Variants in CNTNAP5 observed in about 807,000 individuals in gnomAD.
CNTNAP5 encodes contactin associated protein family member 5, also known as contactin-associated protein-like 5.
CNTNAP5 carries 72 observed loss-of-function variants against 150.2 expected under a neutral mutation model. The ratio of observed to expected loss-of-function variants is 0.48; its 90% CI spans 0.40 to 0.58. The LOEUF is 0.58. Ranked by LOEUF, CNTNAP5 falls within the 20% of genes least tolerant of loss-of-function variation. CNTNAP5 has a pLI of 0.00. For missense variants in CNTNAP5, 1,636 were observed against 1,626.2 expected, an observed-to-expected ratio of 1.01 and a Z score of -0.10; for synonymous variants, 672 against 619.8, an observed-to-expected ratio of 1.08 and a Z score of -1.25.
rs200656619 is a variant in CNTNAP5, at chr2:124,636,921, A to G, written c.1877-10837A>G. Among the ~76,000 whole-genome samples the G allele has an allele frequency of 9.9e-5, 7 of 71,064 alleles. No homozygotes were observed. The East Asian group carries it at 2.0e-3, about 20-fold the overall frequency. 46.6% of individuals were successfully genotyped at this position (71,064 alleles called of 152,430 possible). A position where few individuals can be genotyped will look rare whatever the true frequency, so the allele number is the denominator to read the frequency against. ...CTCTTTCTCTTTTTCTCCTCTCCTC[A>G]TTTTCTCAGACATTTTAAAAAAATT... On this transcript the variant is annotated intron_variant, in intron 12 of 23. Coordinates refer to ENST00000682447, the MANE Select transcript of CNTNAP5 (RefSeq NM_001367498.1).
chr2:124,685,376 C>T (rs182923503), intron 13 of CNTNAP5, among the ~76,000 whole-genome samples: 174 of 152,282 alleles, frequency 1.1e-3, no homozygotes, highest in Admixed American at 2.7e-3. Context: ...TTAGTACCCA[C>T]ATAGATCATC....
chr2:124,107,139 G>A (rs1234777475), intron 1 of CNTNAP5, among the ~76,000 whole-genome samples: 1 of 152,162 alleles, frequency 6.6e-6, no homozygotes, highest in East Asian at 1.9e-4. Flanking sequence ...GTGCTGTTGT[G>A]CAGTGATTAC....
At chr2:124,624,772 G>C (rs1677684915) in intron 12 of CNTNAP5, among the ~76,000 whole-genome samples, 1 of 152,322 alleles carries the variant, frequency 6.6e-6, no homozygotes, top group African/African-American at 2.4e-5. Context: ...GGGGTTGAAA[G>C]TACACAAGGA....
At chr2:124,603,218 A>T (rs765292028) in intron 11 of CNTNAP5, among the ~76,000 whole-genome samples, 30 of 152,266 alleles carry the variant, frequency 2.0e-4, no homozygotes, top group Admixed American at 5.2e-4. Flanking sequence ...ACATTCCAGT[A>T]TTGTAGATTT....
chr2:124,756,548 T>C (rs1680843686), intron 14 of CNTNAP5, among the ~76,000 whole-genome samples: 1 of 152,094 alleles, frequency 6.6e-6, no homozygotes, highest in Non-Finnish European at 1.5e-5. Flanking sequence ...ATAAAGAAAA[T>C]GTGGTACATA....
chr2:124,515,483 A>T (rs1290561719), intron 8 of CNTNAP5, among the ~76,000 whole-genome samples: 4 of 152,178 alleles, frequency 2.6e-5, no homozygotes, highest in African/African-American at 9.7e-5. Flanking sequence ...CTAGTCAAGG[A>T]AAACCTGCTT....
intron 13 of CNTNAP5, among the ~76,000 whole-genome samples, chr2:124,714,262 T>A (rs1157750697): frequency 6.6e-6 from 1 of 152,044 alleles, no homozygotes; most frequent in Non-Finnish European, 1.5e-5. Context: ...GTATAAACAC[T>A]GAAAAAATAC....
intron 1 of CNTNAP5, among the ~76,000 whole-genome samples, chr2:124,177,309 C>G (rs898947436): frequency 2.0e-5 from 3 of 152,104 alleles, no homozygotes; most frequent in Non-Finnish European, 2.9e-5. Flanking sequence ...CGGAGAAGGT[C>G]AGAGAAAATC....
At chr2:124,869,407 G>T (rs2104724868) in intron 20 of CNTNAP5, among the ~76,000 whole-genome samples, 1 of 152,230 alleles carries the variant, frequency 6.6e-6, no homozygotes, top group South Asian at 2.1e-4. Context: ...ATCTCTGTGG[G>T]GAGATAAATA....
chr2:124,860,452 TTTCCTTCCTTCCTTCCTTCCTTCCTTCC>T (rs1184201565), intron 19 of CNTNAP5, among the ~76,000 whole-genome samples: 2 of 48,272 alleles, frequency 4.1e-5, no homozygotes, highest in Non-Finnish European at 7.9e-5. Flanking sequence ...TCCTTCCTTC[TTTCCTTCCTTCCTTCCTTCCTTCCTTCC>T]TTCCTTCCTT....
At chr2:124,171,693 CT>C (rs1458707355) in intron 1 of CNTNAP5, among the ~76,000 whole-genome samples, 35 of 152,204 alleles carry the variant, frequency 2.3e-4, no homozygotes, top group Non-Finnish European at 5.9e-5. Context: ...CCTAGCCATT[CT>C]GGGCATTCAG....
intron 1 of CNTNAP5, among the ~76,000 whole-genome samples, chr2:124,041,820 A>G (rs182858110): frequency 1.3e-5 from 2 of 152,012 alleles, no homozygotes; most frequent in East Asian, 3.9e-4. Context: ...ACTAGTTTAG[A>G]TCTATTAGTG....
rs575359317 is a variant in CNTNAP5, at chr2:124,034,140, T to C, written c.82+8408T>C. ...GAAAAAGGACAGTGAGAAGGGCATA[T>C]GTCACACAGTTTGGGATTGATTTAA... On this transcript the variant is annotated intron_variant, in intron 1 of 23. Coordinates refer to ENST00000682447, the MANE Select transcript of CNTNAP5 (RefSeq NM_001367498.1). Among the ~76,000 whole-genome samples, 10 of 152,316 alleles carry C rather than the reference T, an allele frequency of 6.6e-5. No individual in the cohort carries two copies. In the South Asian group the frequency reaches 1.0e-3, roughly 16 times the overall value.
chr2:124,459,815 C>T (rs148159957), intron 6 of CNTNAP5, among the ~76,000 whole-genome samples: 2 of 151,902 alleles, frequency 1.3e-5, no homozygotes, highest in African/African-American at 4.8e-5. Context: ...ATAATACAGC[C>T]CATGTTGTGG....
chr2:124,796,348 T>C (rs1681846300), intron 18 of CNTNAP5, among the ~76,000 whole-genome samples: 1 of 152,164 alleles, frequency 6.6e-6, no homozygotes, highest in Admixed American at 6.5e-5. Context: ...CAAATAAAAG[T>C]CCTTTATTTT....
chr2:124,606,331 T>C (rs1250768293), intron 11 of CNTNAP5, among the ~76,000 whole-genome samples: 2 of 151,624 alleles, frequency 1.3e-5, no homozygotes, highest in Non-Finnish European at 2.9e-5. Context: ...TAAATTCCCA[T>C]TTTCCAACTG....
intron 13 of CNTNAP5, among the ~76,000 whole-genome samples, chr2:124,738,026 T>A (rs1321875793): frequency 6.6e-6 from 1 of 152,182 alleles, no homozygotes; most frequent in African/African-American, 2.4e-5. Flanking sequence ...AGTAGCCAGA[T>A]TTATTGCAAT....
rs1340313620 is a variant in CNTNAP5, at chr2:124,061,183, G to A, written c.82+35451G>A. Among the ~76,000 whole-genome samples, 23 of 152,234 alleles carry A rather than the reference G, an allele frequency of 1.5e-4. No homozygotes were observed. In the East Asian group the frequency reaches 4.2e-3, roughly 28 times the overall value. On this transcript the variant is annotated intron_variant, in intron 1 of 23. Coordinates refer to ENST00000682447, the MANE Select transcript of CNTNAP5 (RefSeq NM_001367498.1). ...CCTGTGCCCCATTAAACAAAGCCTC[G>A]GTATTTGCCTTGTTACTGCATTTCA...
chr2:124,641,456 T>C (rs543137931), intron 12 of CNTNAP5, among the ~76,000 whole-genome samples: 1 of 152,194 alleles, frequency 6.6e-6, no homozygotes, highest in Admixed American at 6.5e-5. Flanking sequence ...ATGATTTAAA[T>C]GGAGAGATAA....
Sources: gnomAD v4.1 joint callset for allele counts (sites outside exome capture counted in the v4.1 genomes callset) on GRCh38, gnomAD v4.1.1 for gene constraint, MANE v1.5 for transcripts, NCBI Gene and HGNC (gene_info 2026-07-23, HGNC 2026-07-21) for gene names.